The following DPF3 variants were observed in gnomAD, a reference collection of about 807,000 sequenced individuals.
DPF3 encodes zinc finger protein DPF3.
DPF3 carries 18 observed loss-of-function variants against 56.8 expected under a neutral mutation model. The observed-to-expected ratio is 0.32, with a 90% CI of 0.22 to 0.47. The LOEUF (loss-of-function observed/expected upper bound fraction) is 0.47. Among genes scored for constraint, DPF3 ranks in the 20% least tolerant of loss-of-function variants. The pLI is 1.00. For missense variants in DPF3, 403 were observed against 488.8 expected (o/e 0.82, Z 1.65); for synonymous variants, 188 against 180.2 (o/e 1.04, Z -0.35).
intron 1 of DPF3, among the ~76,000 whole-genome samples, chr14:72,839,375 G>T (rs2140065640): frequency 6.6e-6 from 1 of 152,264 alleles, no homozygotes; most frequent in Non-Finnish European, 1.5e-5. Context: ...TTTGGCAACA[G>T]CAAAGGCATT....
chr14:72,723,642 A>T lies in DPF3; in HGVS notation c.516T>A (p.Thr172=). Residue 172 remains threonine (T), a synonymous_variant, in exon 5 of 11, where the codon ACT becomes ACA. Coordinates refer to ENST00000556509, the MANE Select transcript of DPF3 (RefSeq NM_001280542.3). ...GTCATCCCCAACTTACCCGTCCTCT[A>T]GTCCTGTTCTTTCGCTTGGGAATAT... is the stretch of plus-strand genomic sequence containing the variant. ...EEDIPKRKNR[T]RGRARGSAGG... is the part of the protein sequence containing the mutation. 1 of 1,579,232 alleles carries T rather than the reference A, an allele frequency of 6.3e-7. No homozygotes were observed. Among genetic ancestry groups the T allele is most frequent in the Non-Finnish European group, 8.6e-7 (1 of 1,169,270 alleles).
intron 2 of DPF3, among the ~76,000 whole-genome samples, chr14:72,756,565 T>G (rs1039526927): frequency 6.6e-6 from 1 of 152,036 alleles, no homozygotes; most frequent in African/African-American, 2.4e-5. Flanking sequence ...GTAATCCCAG[T>G]ACTTTGGGAA....
At chr14:72,756,822 CAGAA>C (rs71109746) in intron 2 of DPF3, among the ~76,000 whole-genome samples, 8,334 of 69,990 alleles carry the variant, frequency 0.12, 635 homozygotes, top group Middle Eastern at 0.19. Context: ...GAAAGAAAGA[CAGAA>C]AGAAAGAAAG....
At chr14:72,747,410 T>C (rs923506130) in intron 3 of DPF3, among the ~76,000 whole-genome samples, 1 of 152,106 alleles carries the variant, frequency 6.6e-6, no homozygotes, top group Non-Finnish European at 1.5e-5. Flanking sequence ...GTGACTGCCT[T>C]TCTGCTGGGT....
At chr14:72,833,850 T>C (rs1008475746) in intron 1 of DPF3, among the ~76,000 whole-genome samples, 1 of 152,108 alleles carries the variant, frequency 6.6e-6, no homozygotes, top group Non-Finnish European at 1.5e-5. Flanking sequence ...CATGAAAACA[T>C]AGGAAGTATC....
At chr14:72,714,094 TAG>T (rs1160816615) in intron 6 of DPF3, among the ~76,000 whole-genome samples, 1 of 152,010 alleles carries the variant, frequency 6.6e-6, no homozygotes, top group African/African-American at 2.4e-5. Flanking sequence ...CAGAAAGAAA[TAG>T]AGGATGAATC....
chr14:72,766,128 A>T (rs141233622), intron 2 of DPF3, among the ~76,000 whole-genome samples: 2 of 152,360 alleles, frequency 1.3e-5, no homozygotes, highest in Non-Finnish European at 2.9e-5. Flanking sequence ...AAACTTATCA[A>T]GCTGGACACA....
intron 1 of DPF3, among the ~76,000 whole-genome samples, chr14:72,783,799 T>G (rs1892090992): frequency 1.3e-5 from 2 of 152,186 alleles, no homozygotes; most frequent in South Asian, 4.1e-4. Flanking sequence ...AAAGGGCCTC[T>G]CTCTGGACTA....
Position 72,849,231 on chromosome 14 carries a change from C to T in DPF3, c.32+44826G>A, listed in dbSNP as rs139798366. 5.7e-3 allele frequency among the ~76,000 whole-genome samples: 873 copies of T among 152,334 alleles called. 5 individuals carry two copies. Among genetic ancestry groups the T allele is most frequent in the Non-Finnish European group, 9.1e-3 (619 of 68,026 alleles). ...TTCAAGGGCTGGACCACGTTTTGTG[C>T]TTATCTCAATAGACGCCACAGGCAC... is the stretch of plus-strand genomic sequence containing the variant. On this transcript the variant is annotated intron_variant, in intron 1 of 10. Coordinates refer to ENST00000556509, the MANE Select transcript of DPF3 (RefSeq NM_001280542.3).
intron 8 of DPF3, chr14:72,670,719 A>G: frequency 9.8e-7 from 1 of 1,015,652 alleles, no homozygotes; most frequent in Admixed American, 5.2e-5. Flanking sequence ...TTTTAATGTT[A>G]TTGGTTCTTT....
intron 1 of DPF3, among the ~76,000 whole-genome samples, chr14:72,861,157 C>A (rs1885391235): frequency 6.6e-6 from 1 of 152,000 alleles, no homozygotes; most frequent in Admixed American, 6.6e-5. Context: ...CTGTCTGTCT[C>A]CTTCCTCCCT....
intron 2 of DPF3, among the ~76,000 whole-genome samples, chr14:72,762,527 A>T (rs1389312910): frequency 6.6e-6 from 1 of 151,878 alleles, no homozygotes; most frequent in Non-Finnish European, 1.5e-5. Flanking sequence ...TCAGATGACA[A>T]AATCAAATAT....
intron 1 of DPF3, among the ~76,000 whole-genome samples, chr14:72,834,578 C>T (rs1599483049): frequency 1.3e-5 from 2 of 151,788 alleles, no homozygotes; most frequent in Admixed American, 1.3e-4. Flanking sequence ...GGAACTGGAC[C>T]CCCCATACAT....
intron 4 of DPF3, among the ~76,000 whole-genome samples, chr14:72,725,437 G>T (rs1889364893): frequency 6.6e-6 from 1 of 151,966 alleles, no homozygotes; most frequent in African/African-American, 2.4e-5. Context: ...CAGAGGGGAG[G>T]GAGGGAAAAG....
intron 8 of DPF3, among the ~76,000 whole-genome samples, chr14:72,667,592 A>G (rs527316954): frequency 1.3e-5 from 2 of 152,346 alleles, no homozygotes; most frequent in East Asian, 1.9e-4. Flanking sequence ...TTGACTGTTC[A>G]CACAGCTCCT....
intron 1 of DPF3, among the ~76,000 whole-genome samples, chr14:72,810,423 A>G (rs1882989104): frequency 6.6e-6 from 1 of 152,190 alleles, no homozygotes; most frequent in African/African-American, 2.4e-5. Flanking sequence ...GTGTGTTCTA[A>G]TACGTCAGCA....
At chr14:72,871,139 A>G (rs2332923) in intron 1 of DPF3, among the ~76,000 whole-genome samples, 140,225 of 152,154 alleles carry the variant, frequency 0.92, 64,960 homozygotes, top group East Asian at 1. Flanking sequence ...AGGAAAGACC[A>G]GCCCCCATGA....
chr14:72,811,103 G>T (rs903763148), intron 1 of DPF3, among the ~76,000 whole-genome samples: 1 of 152,208 alleles, frequency 6.6e-6, no homozygotes, highest in Non-Finnish European at 1.5e-5. Context: ...AGGGTGGGAA[G>T]TCCCAGACTT....
At chr14:72,773,311 T>C (rs961955282) in intron 1 of DPF3, among the ~76,000 whole-genome samples, 2 of 152,096 alleles carry the variant, frequency 1.3e-5, no homozygotes, top group African/African-American at 4.8e-5. Context: ...TTTTTATATT[T>C]TTAGTAGAGA....
Sources: allele counts gnomAD v4.1 joint callset (sites outside exome capture counted in the v4.1 genomes callset), GRCh38; gene constraint gnomAD v4.1.1; transcripts MANE v1.5; gene names NCBI Gene and HGNC (gene_info 2026-07-23, HGNC 2026-07-21).